MSI2: variants seen among roughly 807,000 people sequenced by gnomAD.
MSI2 encodes RNA-binding protein Musashi homolog 2.
MSI2 carries 17 observed loss-of-function variants against 45.6 expected under a neutral mutation model. The ratio of observed to expected loss-of-function variants is 0.37; its 90% CI spans 0.26 to 0.56. The LOEUF (loss-of-function observed/expected upper bound fraction) is 0.56, where lower values mean the gene tolerates loss of function less well. MSI2 is among the 20% of genes least tolerant of loss of function. The probability of loss-of-function intolerance (pLI) is 0.77; values close to 1 mark genes in which losing one functional copy is unlikely to be tolerated. For synonymous variants in MSI2, 156 were observed against 158.2 expected, an observed-to-expected ratio of 0.99 and a Z score of 0.11; for missense variants, 293 against 444.2, an observed-to-expected ratio of 0.66 and a Z score of 3.06.
intron 5 of MSI2, among the ~76,000 whole-genome samples, chr17:57,346,097 C>G (rs1304642959): frequency 6.6e-6 from 1 of 152,160 alleles, no homozygotes; most frequent in African/African-American, 2.4e-5. Flanking sequence ...GTGATTTTCT[C>G]TATATCCACC....
rs114482787 is a variant in MSI2, at chr17:57,395,337, A to G, written c.313-6042A>G. On this transcript the variant is annotated intron_variant, in intron 5 of 13. Coordinates refer to ENST00000284073, the MANE Select transcript of MSI2 (RefSeq NM_138962.4). ...GGAGGAACTCTTTTTGATCCAACCC[A>G]GTCTCTTTTCCACATGTGATCCTAG... 9.9e-3 allele frequency among the ~76,000 whole-genome samples: 1,505 copies of G among 152,356 alleles called. 23 individuals are homozygous for G. The highest frequency in any genetic ancestry group is 0.033 in the African/African-American group (1,388 of 41,574).
At chr17:57,587,776 A>G (rs1904443392) in intron 7 of MSI2, among the ~76,000 whole-genome samples, 1 of 152,176 alleles carries the variant, frequency 6.6e-6, no homozygotes, top group South Asian at 2.1e-4. Flanking sequence ...TGAGAAAATA[A>G]ATTAAACTAA....
intron 6 of MSI2, among the ~76,000 whole-genome samples, chr17:57,518,496 A>G (rs902400198): frequency 6.6e-6 from 1 of 152,248 alleles, no homozygotes; most frequent in Non-Finnish European, 1.5e-5. Flanking sequence ...GTGCATTTTC[A>G]CACTTGGTAA....
intron 6 of MSI2, among the ~76,000 whole-genome samples, chr17:57,402,582 G>C (rs1163771516): frequency 2.6e-5 from 4 of 152,242 alleles, no homozygotes; most frequent in African/African-American, 7.2e-5. Context: ...GGTTTGCCCA[G>C]GGTGATAGGC....
At chr17:57,621,477 T>C (rs550277495) in intron 9 of MSI2, among the ~76,000 whole-genome samples, 1 of 152,338 alleles carries the variant, frequency 6.6e-6, no homozygotes, top group South Asian at 2.1e-4. Context: ...ACCTACTAAG[T>C]GCCAGGCACT....
intron 5 of MSI2, among the ~76,000 whole-genome samples, chr17:57,379,990 T>TAA (rs1219370936): frequency 1.3e-5 from 2 of 152,180 alleles, no homozygotes; most frequent in Non-Finnish European, 2.9e-5. Context: ...GCATGTTAGA[T>TAA]AAAGGCTCTT....
At chr17:57,284,007 T>C (rs1259927170) in intron 5 of MSI2, among the ~76,000 whole-genome samples, 1 of 152,196 alleles carries the variant, frequency 6.6e-6, no homozygotes, top group African/African-American at 2.4e-5. Context: ...ACACAAATAG[T>C]CAACTTCAGG....
At chr17:57,292,630 T>C (rs1598081254) in intron 5 of MSI2, among the ~76,000 whole-genome samples, 1 of 152,150 alleles carries the variant, frequency 6.6e-6, no homozygotes, top group East Asian at 1.9e-4. Flanking sequence ...TGGACATCTG[T>C]GACTGAAACC....
chr17:57,487,452 C>T (rs572782759), intron 6 of MSI2, among the ~76,000 whole-genome samples: 6 of 152,306 alleles, frequency 3.9e-5, no homozygotes, highest in South Asian at 2.1e-4. Flanking sequence ...TGTATGTGGT[C>T]CCTGTGTCCT....
At chr17:57,462,345 C>T (rs1168393232) in intron 6 of MSI2, among the ~76,000 whole-genome samples, 1 of 152,220 alleles carries the variant, frequency 6.6e-6, no homozygotes, top group African/African-American at 2.4e-5. Flanking sequence ...CCCAGCCATC[C>T]ACCAGAGATG....
intron 2 of MSI2, 35 bp downstream of exon 2, chr17:57,257,173 C>G (rs775801192): frequency 1.4e-6 from 2 of 1,461,674 alleles, no homozygotes; most frequent in South Asian, 2.4e-5. Flanking sequence ...TGGGTCCCCC[C>G]CTTCTTGGCT....
At chr17:57,402,328 G>A (rs976856916) in intron 6 of MSI2, among the ~76,000 whole-genome samples, 7 of 152,152 alleles carry the variant, frequency 4.6e-5, no homozygotes, top group Admixed American at 2.0e-4. Context: ...AGGAGGCTGC[G>A]TCCTGCATCT....
intron 6 of MSI2, among the ~76,000 whole-genome samples, chr17:57,414,718 A>G (rs536606253): frequency 6.6e-6 from 1 of 152,124 alleles, no homozygotes; most frequent in Non-Finnish European, 1.5e-5. Context: ...TCTTTTTAAA[A>G]TGGGGCATTA....
At chr17:57,457,341 G>A (rs1045618090) in intron 6 of MSI2, among the ~76,000 whole-genome samples, 6 of 152,118 alleles carry the variant, frequency 3.9e-5, no homozygotes, top group Non-Finnish European at 8.8e-5. Context: ...AGATGCAAGG[G>A]CTCCATGGCC....
At chr17:57,539,299 C>T (rs1198694138) in intron 7 of MSI2, among the ~76,000 whole-genome samples, 1 of 151,402 alleles carries the variant, frequency 6.6e-6, no homozygotes, top group Admixed American at 6.6e-5. Flanking sequence ...GCACTTATTA[C>T]CTATTCATTT....
At chr17:57,404,169 T>C (rs898966187) in intron 6 of MSI2, among the ~76,000 whole-genome samples, 4 of 152,184 alleles carry the variant, frequency 2.6e-5, no homozygotes, top group African/African-American at 9.7e-5. Context: ...ATTCTCCATG[T>C]TGTAGACTGT....
At chr17:57,262,532 C>T (rs1598041178) in intron 5 of MSI2, 1 of 230,790 alleles carries the variant, frequency 4.3e-6, no homozygotes, top group East Asian at 9.4e-5. Context: ...CCTTGTGACT[C>T]TTTCGGAGGG....
intron 6 of MSI2, among the ~76,000 whole-genome samples, chr17:57,506,961 C>G (rs2086242804): frequency 6.6e-6 from 1 of 152,142 alleles, no homozygotes; most frequent in African/African-American, 2.4e-5. Flanking sequence ...AGCCCAGACT[C>G]ACAAACCTCC....
At chr17:57,489,271 G>A (rs979091304) in intron 6 of MSI2, among the ~76,000 whole-genome samples, 2 of 152,152 alleles carry the variant, frequency 1.3e-5, no homozygotes, top group African/African-American at 4.8e-5. Flanking sequence ...TTGGCATTGG[G>A]GTCTGATGGA....
Sources: gnomAD v4.1 joint callset for allele counts (sites outside exome capture counted in the v4.1 genomes callset) on GRCh38, gnomAD v4.1.1 for gene constraint, MANE v1.5 for transcripts, NCBI Gene and HGNC (gene_info 2026-07-23, HGNC 2026-07-21) for gene names.